The following NME8 variants were observed in gnomAD, a reference collection of about 807,000 sequenced individuals.
NME8 encodes NME/NM23 family member 8.
NME8 carries 72 observed loss-of-function variants against 82.3 expected under a neutral mutation model. The ratio of observed to expected loss-of-function variants is 0.87; its 90% CI spans 0.72 to 1.06. NME8 has a LOEUF of 1.06. Among genes scored for constraint, NME8 ranks in the 50% least tolerant of loss-of-function variants. The pLI, the probability that NME8 is intolerant of heterozygous loss-of-function variation, is 0.00. For missense variants in NME8, 712 were observed against 685.4 expected (o/e 1.04, Z -0.43); for synonymous variants, 267 against 228.5 (o/e 1.17, Z -1.52).
intron 10 of NME8, 52 bp from the exon 11 acceptor site, chr7:37,867,650 G>A: frequency 7.1e-7 from 1 of 1,409,942 alleles, no homozygotes; most frequent in Admixed American, 1.7e-5. Context: ...CACCATTTTA[G>A]TCCATCCATT....
chr7:37,899,251 A>C (rs753315387), intron 17 of NME8, among the ~76,000 whole-genome samples: 1 of 152,352 alleles, frequency 6.6e-6, no homozygotes, highest in Non-Finnish European at 1.5e-5. Context: ...TGGCAGAACT[A>C]TTTACAATAG....
intron 11 of NME8, among the ~76,000 whole-genome samples, chr7:37,868,740 C>G (rs1410892630): frequency 6.6e-6 from 1 of 152,168 alleles, no homozygotes; most frequent in Non-Finnish European, 1.5e-5. Flanking sequence ...CCACCTTCCC[C>G]TTCCACCTTC....
intron 12 of NME8, among the ~76,000 whole-genome samples, chr7:37,882,691 G>C (rs935008861): frequency 2.0e-5 from 3 of 152,016 alleles, no homozygotes; most frequent in Non-Finnish European, 4.4e-5. Flanking sequence ...CAAGGTGTTC[G>C]GGGCTTTGAA....
rs1050366765 is a variant in NME8, at chr7:37,850,446, TC to T, written c.91+15del. On this transcript the variant is annotated intron_variant, in intron 4 of 17. Coordinates refer to ENST00000199447, the MANE Select transcript of NME8 (RefSeq NM_016616.5). ...ACAAAGGCTTAACAGGTATAAGGAC[TC>T]CCCGGCTGTCTGGCCACCTGGGGTT... The T allele has an allele frequency of 7.4e-6, 12 of 1,613,870 alleles. No homozygotes were observed. The African/African-American group carries it at 8.0e-5, about 11-fold the overall frequency.
intron 9 of NME8, 58 bp from the exon 10 acceptor site, chr7:37,865,467 A>T: frequency 8.2e-7 from 1 of 1,225,666 alleles, no homozygotes; most frequent in Non-Finnish European, 1.2e-6. Context: ...AAACAAACTT[A>T]ACTTGTTTTA....
rs367557687 is a variant in NME8 at position 37,875,015 on chromosome 7, A to G, written c.819-1817A>G. On this transcript the variant is annotated intron_variant, in intron 11 of 17. Coordinates refer to ENST00000199447, the MANE Select transcript of NME8 (RefSeq NM_016616.5). ...AACGGACCAAGAAGGACGCAGGCTC[A>G]TGAAGATAGTTTTCCTGCCAAAGGT... is the stretch of plus-strand genomic sequence containing the variant. Among the ~76,000 whole-genome samples the G allele has an allele frequency of 4.7e-4, 72 of 152,312 alleles. 2 individuals carry two copies. In the South Asian group the frequency reaches 0.014, roughly 30 times the overall value.
At chr7:37,872,593 G>A (rs1158730748) in intron 11 of NME8, among the ~76,000 whole-genome samples, 2 of 152,150 alleles carry the variant, frequency 1.3e-5, no homozygotes, top group African/African-American at 2.4e-5. Context: ...GTTCAGTGGA[G>A]AATTGGTATG....
chr7:37,889,637 A>T (rs1261466168), intron 15 of NME8, among the ~76,000 whole-genome samples: 2 of 151,948 alleles, frequency 1.3e-5, no homozygotes, highest in Admixed American at 6.6e-5. Context: ...GTTATTCAAC[A>T]AATAAATTAT....
intron 16 of NME8, among the ~76,000 whole-genome samples, chr7:37,896,645 C>G (rs766735608): frequency 2.0e-5 from 3 of 152,162 alleles, no homozygotes. Context: ...AATAATAAGA[C>G]TTCATTGACA....
intron 11 of NME8, among the ~76,000 whole-genome samples, chr7:37,869,106 C>G (rs915926366): frequency 2.6e-5 from 4 of 152,108 alleles, no homozygotes; most frequent in Non-Finnish European, 4.4e-5. Flanking sequence ...CCAGAATGTC[C>G]CTTGTTGGTC....
At chr7:37,863,603 T>A in intron 8 of NME8, 141 bp downstream of exon 8, 1 of 669,374 alleles carries the variant, frequency 1.5e-6, no homozygotes. Context: ...GATTTGGGCC[T>A]TGCAAGACTC....
At chr7:37,862,618 A>G (rs1784613530) in intron 7 of NME8, among the ~76,000 whole-genome samples, 1 of 150,098 alleles carries the variant, frequency 6.7e-6, no homozygotes, top group Non-Finnish European at 1.5e-5. Context: ...GCTCTTTAAT[A>G]GGATATTGAT....
chr7:37,876,569 T>C (rs1784856125), intron 11 of NME8, among the ~76,000 whole-genome samples: 1 of 152,050 alleles, frequency 6.6e-6, no homozygotes, highest in African/African-American at 2.4e-5. Context: ...AACACAAAAT[T>C]TTATTTTGAT....
intron 12 of NME8, among the ~76,000 whole-genome samples, chr7:37,880,942 G>A (rs1489910295): frequency 6.6e-6 from 1 of 151,686 alleles, no homozygotes; most frequent in Non-Finnish European, 1.5e-5. Flanking sequence ...GCTCATTTCT[G>A]GTATATAGAA....
chr7:37,889,199 G>A (rs1371539541), intron 15 of NME8, among the ~76,000 whole-genome samples: 5 of 151,764 alleles, frequency 3.3e-5, no homozygotes, highest in Non-Finnish European at 7.4e-5. Context: ...ATCTATTCCA[G>A]CTATGTAATT....
At chr7:37,862,259 T>G (rs1784607793) in intron 7 of NME8, 115 bp downstream of exon 7, 1 of 738,188 alleles carries the variant, frequency 1.4e-6, no homozygotes, top group Admixed American at 2.1e-5. Context: ...TTTATGTCTT[T>G]TAATTTTAAA....
intron 16 of NME8, 52 bp downstream of exon 16, chr7:37,894,662 T>C: frequency 6.8e-7 from 1 of 1,471,240 alleles, no homozygotes; most frequent in Non-Finnish European, 9.3e-7. Context: ...AAATGTTCAT[T>C]ATAGAAACTT....
intron 6 of NME8, among the ~76,000 whole-genome samples, chr7:37,861,162 C>T (rs1784592329): frequency 6.6e-6 from 1 of 152,168 alleles, no homozygotes; most frequent in African/African-American, 2.4e-5. Context: ...TCTGCTTAAA[C>T]ATTCTGACTG....
intron 13 of NME8, 108 bp from the exon 14 acceptor site, chr7:37,885,035 CAT>C (rs533892707): frequency 1.4e-6 from 1 of 722,922 alleles, no homozygotes; most frequent in Non-Finnish European, 2.5e-6. Context: ...GATTATTTTA[CAT>C]GTTACATGTT....
Sources: allele counts gnomAD v4.1 joint callset (sites outside exome capture counted in the v4.1 genomes callset), GRCh38; gene constraint gnomAD v4.1.1; transcripts MANE v1.5; gene names NCBI Gene and HGNC (gene_info 2026-07-23, HGNC 2026-07-21).